Variants in NALCN observed in about 807,000 individuals in gnomAD.
NALCN encodes the protein sodium leak channel, non-selective.
A neutral mutation model predicts 225.3 loss-of-function variants in NALCN; 111 were observed. The ratio of observed to expected loss-of-function variants is 0.49; its 90% CI spans 0.42 to 0.58. The LOEUF (loss-of-function observed/expected upper bound fraction) is 0.58. Among genes scored for constraint, NALCN ranks in the 20% least tolerant of loss-of-function variants. The probability of loss-of-function intolerance (pLI) is 0.00; values close to 1 mark genes in which losing one functional copy is unlikely to be tolerated. For missense variants in NALCN, 1,378 were observed against 2,202.4 expected, an observed-to-expected ratio of 0.63 and a Z score of 7.49; for synonymous variants, 764 against 769.0, an observed-to-expected ratio of 0.99 and a Z score of 0.11.
At chr13:101,057,793 A>G in intron 43 of NALCN, 146 bp downstream of exon 43, 2 of 718,390 alleles carry the variant, frequency 2.8e-6, no homozygotes, top group South Asian at 1.5e-5. Flanking sequence ...AATGTTTTTG[A>G]CAAGACTACA....
At chr13:101,277,059 C>A (rs961382744) in intron 10 of NALCN, among the ~76,000 whole-genome samples, 24 of 151,758 alleles carry the variant, frequency 1.6e-4, no homozygotes, top group Admixed American at 5.2e-4. Flanking sequence ...TATATATACA[C>A]ACACATAGAG....
At chr13:101,191,542 G>A (rs529828560) in intron 14 of NALCN, among the ~76,000 whole-genome samples, 1 of 152,236 alleles carries the variant, frequency 6.6e-6, no homozygotes, top group South Asian at 2.1e-4. Context: ...TGAAGAGGAT[G>A]CAGTGAAACT....
In NALCN at chr13:101,104,084, T is replaced by C. The variant is rs1208457877; in HGVS notation, c.2889+211A>G. Among the ~76,000 whole-genome samples, 2 of 152,198 alleles carry C rather than the reference T, an allele frequency of 1.3e-5. No individual in the cohort carries two copies. The highest frequency in any genetic ancestry group is 2.9e-5 in the Non-Finnish European group (2 of 68,034). ...TTGTGATTAGTGTATTTGAACAATATAACTATCCATAGATATTTATGATGC... is the reference window on the plus strand; with the variant it reads ...TTGTGATTAGTGTATTTGAACAATACAACTATCCATAGATATTTATGATGC... On this transcript the variant is annotated intron_variant, in intron 25 of 43. Coordinates refer to ENST00000251127, the MANE Select transcript of NALCN (RefSeq NM_052867.4). The surrounding 1 kb of genome is among the most constrained non-coding windows in gnomAD (Gnocchi z 4.2).
Position 101,258,512 on chromosome 13 carries a change from G to A in NALCN, c.1197C>T (p.Ile399=), listed in dbSNP as rs966445280. The part of the protein sequence containing the change: ...FILSMVTVDV[I]VAASNYYKGE... Reference sequence around the variant, plus strand: ...CTTTGTAGTAGTTGCTAGCCGCCACGATCACGTCCACGGTCACCATGCTCA... The same window carrying A: ...CTTTGTAGTAGTTGCTAGCCGCCACAATCACGTCCACGGTCACCATGCTCA... The change falls in exon 11 of 44, where the codon ATC becomes ATT. Residue 399 remains isoleucine (I), a synonymous_variant. Coordinates refer to ENST00000251127, the MANE Select transcript of NALCN (RefSeq NM_052867.4). 3 of 1,614,118 alleles carry A rather than the reference G, an allele frequency of 1.9e-6. No individual in the cohort carries two copies. The highest frequency in any genetic ancestry group is 2.2e-5 in the East Asian group (1 of 44,880).
At chr13:101,134,056 G>C (rs1370307294) in intron 17 of NALCN, among the ~76,000 whole-genome samples, 3 of 152,134 alleles carry the variant, frequency 2.0e-5, no homozygotes, top group Non-Finnish European at 4.4e-5. Context: ...TGTAGTCCCA[G>C]CTGCTCGGGA....
intron 28 of NALCN, among the ~76,000 whole-genome samples, chr13:101,090,354 C>T (rs1240258142): frequency 6.6e-6 from 1 of 152,124 alleles, no homozygotes; most frequent in African/African-American, 2.4e-5. Context: ...CACAAAGAAG[C>T]ATTGGATTTT....
intron 10 of NALCN, among the ~76,000 whole-genome samples, chr13:101,276,958 G>A (rs2042989778): frequency 6.6e-6 from 1 of 151,766 alleles, no homozygotes; most frequent in Non-Finnish European, 1.5e-5. Context: ...TGCCAGCAAT[G>A]TTTCTATATA....
At chr13:101,350,541 G>A (rs2045878448) in intron 6 of NALCN, among the ~76,000 whole-genome samples, 1 of 152,012 alleles carries the variant, frequency 6.6e-6, no homozygotes, top group South Asian at 2.1e-4. Flanking sequence ...GTGGTCATCT[G>A]TTCATTGGAT....
At chr13:101,370,663 A>G (rs938074863) in intron 6 of NALCN, among the ~76,000 whole-genome samples, 3 of 152,198 alleles carry the variant, frequency 2.0e-5, no homozygotes, top group Non-Finnish European at 4.4e-5. Flanking sequence ...AACTAAACTC[A>G]GTGGGTAATA....
intron 10 of NALCN, among the ~76,000 whole-genome samples, chr13:101,260,873 T>C (rs934550448): frequency 1.2e-4 from 19 of 152,342 alleles, no homozygotes; most frequent in African/African-American, 4.3e-4. Flanking sequence ...GCTTTGTAAC[T>C]TGATGTAATC....
At chr13:101,394,907 C>A (rs753867043) in intron 3 of NALCN, among the ~76,000 whole-genome samples, 10 of 152,204 alleles carry the variant, frequency 6.6e-5, no homozygotes, top group Non-Finnish European at 1.3e-4. Context: ...CATGAATAAC[C>A]CTACTCGAGA....
At chr13:101,366,987 T>C (rs1280800952) in intron 6 of NALCN, among the ~76,000 whole-genome samples, 1 of 152,162 alleles carries the variant, frequency 6.6e-6, no homozygotes, top group East Asian at 1.9e-4. Flanking sequence ...TCTACTTCAA[T>C]GAATTAACTG....
At chr13:101,065,294 T>A in intron 40 of NALCN, 110 bp downstream of exon 40, 2 of 1,152,530 alleles carry the variant, frequency 1.7e-6, no homozygotes, top group South Asian at 2.9e-5. Flanking sequence ...CCACAGCAGA[T>A]GTGGCATTTT....
At chr13:101,215,723 A>T (rs770650800) in intron 13 of NALCN, among the ~76,000 whole-genome samples, 1 of 151,822 alleles carries the variant, frequency 6.6e-6, no homozygotes, top group Non-Finnish European at 1.5e-5. Flanking sequence ...AATTTATTAT[A>T]CTTTAAGTTC....
chr13:101,105,342 A>G (rs1298379330), intron 22 of NALCN, among the ~76,000 whole-genome samples: 1 of 152,238 alleles, frequency 6.6e-6, no homozygotes, highest in Non-Finnish European at 1.5e-5. Flanking sequence ...TAAATACTCC[A>G]TAATTTAAAT....
intron 17 of NALCN, among the ~76,000 whole-genome samples, chr13:101,134,266 A>C (rs1006497560): frequency 1.3e-5 from 2 of 152,228 alleles, no homozygotes; most frequent in Admixed American, 1.3e-4. Flanking sequence ...TAGGAGTTAA[A>C]ATATTCATAT....
At chr13:101,302,463 G>A (rs504998) in intron 7 of NALCN, among the ~76,000 whole-genome samples, 16,671 of 152,058 alleles carry the variant, frequency 0.11, 999 homozygotes, top group African/African-American at 0.16. Flanking sequence ...GGTCTACGTG[G>A]GAGGGAAGAA....
At chr13:101,390,136 A>T (rs1308978213) in intron 3 of NALCN, among the ~76,000 whole-genome samples, 1 of 152,090 alleles carries the variant, frequency 6.6e-6, no homozygotes, top group Non-Finnish European at 1.5e-5. Context: ...ACAGAAAATA[A>T]ACACTCAAAG....
chr13:101,219,546 A>G (rs967049353), intron 13 of NALCN, among the ~76,000 whole-genome samples: 3 of 152,172 alleles, frequency 2.0e-5, no homozygotes, highest in Non-Finnish European at 4.4e-5. Flanking sequence ...GCTGTGGCAC[A>G]GAGACTATCA....
Sources: allele counts gnomAD v4.1 joint callset (sites outside exome capture counted in the v4.1 genomes callset), GRCh38; gene constraint gnomAD v4.1.1; non-coding constraint Gnocchi (gnomAD v3.1); transcripts MANE v1.5; gene names NCBI Gene and HGNC (gene_info 2026-07-23, HGNC 2026-07-21).